Variants in SPTBN1 observed in about 807,000 individuals in gnomAD.
SPTBN1 encodes the protein spectrin beta, non-erythrocytic 1.
A neutral mutation model predicts 266.4 loss-of-function variants in SPTBN1; 32 were observed. The ratio of observed to expected loss-of-function variants is 0.12; its 90% CI spans 0.09 to 0.16. SPTBN1 has a LOEUF of 0.16. Ranked by LOEUF, SPTBN1 falls within the 10% of genes least tolerant of loss-of-function variation. The probability of loss-of-function intolerance (pLI) is 1.00; values close to 1 mark genes in which losing one functional copy is unlikely to be tolerated. For synonymous variants in SPTBN1, 1,336 were observed against 1,162.2 expected, an observed-to-expected ratio of 1.15 and a Z score of -3.04; for missense variants, 2,296 against 3,067.1, an observed-to-expected ratio of 0.75 and a Z score of 5.94.
Position 54,664,339 on chromosome 2 carries a change from G to T in SPTBN1, c.6421-114G>T. ...GGGTGTGCAATGGTTTTACTGTACT[G>T]CCTCGATCTGTGCCAGGCATTTATA... On this transcript the variant is annotated intron_variant, in intron 32 of 35. Transcript: ENST00000356805. The surrounding 1 kb of genome is among the most constrained non-coding windows in gnomAD (Gnocchi z 5.6). 1.8e-6 allele frequency: 2 copies of T among 1,091,972 alleles called. No individual in the cohort carries two copies. The highest frequency in any genetic ancestry group is 2.7e-6 in the Non-Finnish European group (2 of 743,848). 67.6% of individuals were successfully genotyped at this position (1,091,972 alleles called of 1,614,324 possible).
intron 2 of SPTBN1, among the ~76,000 whole-genome samples, chr2:54,594,558 AT>A (rs1675920305): frequency 6.6e-6 from 1 of 152,184 alleles, no homozygotes; most frequent in African/African-American, 2.4e-5. Context: ...AGATACTGGG[AT>A]TAGATACGGA....
intron 17 of SPTBN1, among the ~76,000 whole-genome samples, chr2:54,636,621 G>C (rs201278216): frequency 6.6e-6 from 1 of 152,218 alleles, no homozygotes; most frequent in African/African-American, 2.4e-5. Context: ...CTTACTCAGC[G>C]TGTTGGAGAA....
At chr2:54,612,695 T>C (rs1486493552) in intron 4 of SPTBN1, among the ~76,000 whole-genome samples, 1 of 152,184 alleles carries the variant, frequency 6.6e-6, no homozygotes, top group African/African-American at 2.4e-5. Flanking sequence ...ACGTGGCCAA[T>C]GCTAGGTTAT....
intron 7 of SPTBN1, among the ~76,000 whole-genome samples, chr2:54,620,131 G>A (rs764482283): frequency 2.6e-5 from 4 of 152,178 alleles, no homozygotes; most frequent in South Asian, 2.1e-4. Context: ...CCTGCTTTGC[G>A]CAGGACAGCA....
intron 2 of SPTBN1, among the ~76,000 whole-genome samples, chr2:54,588,726 T>C (rs1461159656): frequency 2.0e-5 from 3 of 152,172 alleles, no homozygotes; most frequent in Non-Finnish European, 4.4e-5. Flanking sequence ...CCTGTAGAGA[T>C]GGAGAGTAGC....
At chr2:54,581,921 T>C (rs1039098211) in intron 2 of SPTBN1, among the ~76,000 whole-genome samples, 2 of 152,190 alleles carry the variant, frequency 1.3e-5, no homozygotes. Flanking sequence ...TGAAGAACTT[T>C]GCGAGACAAC....
At chr2:54,495,431 G>GAGGGCTGTC (rs1214264853) in intron 1 of SPTBN1, among the ~76,000 whole-genome samples, 3 of 152,158 alleles carry the variant, frequency 2.0e-5, no homozygotes, top group African/African-American at 7.2e-5. Context: ...TTGCTAGACA[G>GAGGGCTGTC]TTCTGCGTTG....
chr2:54,630,789 CT>C, intron 15 of SPTBN1, 65 bp from the exon 16 acceptor site: 1 of 1,498,758 alleles, frequency 6.7e-7, no homozygotes, highest in Admixed American at 2.3e-5. Flanking sequence ...ATCACTGTTC[CT>C]TTTGCAATCC....
intron 1 of SPTBN1, among the ~76,000 whole-genome samples, chr2:54,484,287 T>C (rs895546183): frequency 5.3e-5 from 8 of 152,178 alleles, no homozygotes; most frequent in Non-Finnish European, 7.3e-5. Flanking sequence ...CCTAGGACTT[T>C]TATATGCTTG....
At chr2:54,504,953 T>C (rs58775358) in intron 1 of SPTBN1, among the ~76,000 whole-genome samples, 1,837 of 152,284 alleles carry the variant, frequency 0.012, 39 homozygotes, top group African/African-American at 0.042. Context: ...TGAAATCCAA[T>C]GAAAACGTGT....
intron 29 of SPTBN1, 55 bp from the exon 30 acceptor site, chr2:54,657,795 A>G (rs1459504404): frequency 6.2e-7 from 1 of 1,610,034 alleles, no homozygotes; most frequent in South Asian, 1.1e-5. Flanking sequence ...GTAAGGCCAT[A>G]TGACTGCCCG....
chr2:54,551,956 T>A (rs1219260494), intron 2 of SPTBN1, among the ~76,000 whole-genome samples: 1 of 152,218 alleles, frequency 6.6e-6, no homozygotes, highest in Non-Finnish European at 1.5e-5. Flanking sequence ...GTTCTGGTTA[T>A]CTCTGAGGTG....
chr2:54,477,415 T>A (rs1210928470), intron 1 of SPTBN1, among the ~76,000 whole-genome samples: 2 of 150,150 alleles, frequency 1.3e-5, no homozygotes, highest in Non-Finnish European at 1.5e-5. Flanking sequence ...TTTTTTTTTT[T>A]AATTAATTAA....
intron 2 of SPTBN1, among the ~76,000 whole-genome samples, chr2:54,580,709 G>T (rs1368223147): frequency 6.6e-6 from 1 of 151,986 alleles, no homozygotes; most frequent in Admixed American, 6.6e-5. Context: ...GGTTTCTACT[G>T]TATACTTCCA....
At chr2:54,608,051 G>A (rs995882288) in intron 3 of SPTBN1, among the ~76,000 whole-genome samples, 21 of 152,152 alleles carry the variant, frequency 1.4e-4, no homozygotes, top group Non-Finnish European at 2.8e-4. Flanking sequence ...GCTGGCTGCT[G>A]CCCTTAATTG....
intron 1 of SPTBN1, among the ~76,000 whole-genome samples, chr2:54,481,446 TTTTGTTTG>T (rs144515184): frequency 6.7e-6 from 1 of 149,164 alleles, no homozygotes; most frequent in Non-Finnish European, 1.5e-5. Flanking sequence ...GTGTGTTTTG[TTTTGTTTG>T]TTTGTTTGTT....
intron 16 of SPTBN1, 108 bp from the exon 17 acceptor site, chr2:54,632,458 T>A: frequency 1.8e-6 from 2 of 1,129,956 alleles, no homozygotes; most frequent in Non-Finnish European, 2.6e-6. Flanking sequence ...TTATTTCATG[T>A]AAGTGTAATG....
Position 54,649,164 on chromosome 2 carries a change from C to G in SPTBN1, c.5176C>G (p.Leu1726Val), listed in dbSNP as rs1324711377. 2.5e-6 allele frequency: 4 copies of G among 1,610,410 alleles called. No homozygotes were observed. Among genetic ancestry groups the G allele is most frequent in the Non-Finnish European group, 3.4e-6 (4 of 1,177,660 alleles). The change falls in exon 25 of 36, where the codon CTG becomes GTG. Residue 1726 changes from leucine to valine, a missense_variant. By Grantham distance (32) the Leu-to-Val change is conservative. Around this residue, in one of 12 missense-constraint regions of SPTBN1, gnomAD observed 644 missense variants for 745.3 expected, o/e 0.86. Coordinates refer to ENST00000356805, the MANE Select transcript of SPTBN1 (RefSeq NM_003128.3). This position sits in a 1 kb window ranked among gnomAD's most constrained non-coding sequence, Gnocchi z 6.7. The stretch of plus-strand genomic sequence containing the variant: ...GGAGGTGGTCGCAGGGTCCCATGAA[C>G]TGGGACAGGACTATGAGCATGTCAC... ...EREVVAGSHE[L>V]GQDYEHVTML...
chr2:54,649,562 A>G lies in SPTBN1; in HGVS notation c.5203-53A>G, dbSNP rs1439188548. ...TCCAAAGGGTATTCATGTGATCAAG[A>G]AATACAGAGTTCACAGTGGGCTCTC... On this transcript the variant is annotated intron_variant, in intron 25 of 35. Coordinates refer to ENST00000356805, the MANE Select transcript of SPTBN1 (RefSeq NM_003128.3). This position sits in a 1 kb window ranked among gnomAD's most constrained non-coding sequence, Gnocchi z 6.7. 6.3e-7 allele frequency: 1 copy of G among 1,578,302 alleles called. No homozygotes were observed. The highest frequency in any genetic ancestry group is 8.6e-7 in the Non-Finnish European group (1 of 1,158,776).
Sources: allele counts gnomAD v4.1 joint callset (sites outside exome capture counted in the v4.1 genomes callset), GRCh38; gene constraint gnomAD v4.1.1; regional missense constraint gnomAD v4.1.1; non-coding constraint Gnocchi (gnomAD v3.1); transcripts MANE v1.5; gene names NCBI Gene and HGNC (gene_info 2026-07-23, HGNC 2026-07-21).